Variants in ANKRD20A1 observed in about 807,000 individuals in gnomAD.
ANKRD20A1 encodes the protein ankyrin repeat domain 20 family member A1, also known as ankyrin repeat domain-containing protein 20A1.
A neutral mutation model predicts 50.9 loss-of-function variants in ANKRD20A1; 2 were observed. That is an observed-to-expected ratio of 0.04 (90% CI 0.02 to 0.12). The LOEUF (loss-of-function observed/expected upper bound fraction) is 0.12, where lower values mean the gene tolerates loss of function less well. Among genes scored for constraint, ANKRD20A1 ranks in the 10% least tolerant of loss-of-function variants. The probability of loss-of-function intolerance (pLI) is 1.00; values close to 1 mark genes in which losing one functional copy is unlikely to be tolerated. For synonymous variants in ANKRD20A1, 10 were observed against 186.2 expected (o/e 0.05, Z 7.70); for missense variants, 31 against 548.1 (o/e 0.06, Z 9.42).
chr9:67,879,135 C>T (rs1423369085), intron 7 of ANKRD20A1, among the ~76,000 whole-genome samples: 3 of 59,112 alleles, frequency 5.1e-5, no homozygotes, highest in African/African-American at 1.2e-4. Context: ...CAAGGACTGA[C>T]AAACTTGAAG....
intron 11 of ANKRD20A1, among the ~76,000 whole-genome samples, chr9:67,891,380 C>T (rs1206845063): frequency 5.0e-5 from 6 of 119,388 alleles, no homozygotes; most frequent in African/African-American, 1.7e-4. Context: ...AAAACTGAAA[C>T]AGAAAAAGTG....
intron 12 of ANKRD20A1, among the ~76,000 whole-genome samples, chr9:67,897,150 A>C (rs1235661886): frequency 2.8e-5 from 3 of 107,188 alleles, no homozygotes; most frequent in African/African-American, 8.5e-5. Context: ...ACATCCTCTT[A>C]ATCTGGCTAT....
intron 8 of ANKRD20A1, among the ~76,000 whole-genome samples, chr9:67,882,198 GCTGGT>G (rs1162632735): frequency 1.3e-5 from 2 of 150,458 alleles, no homozygotes; most frequent in Non-Finnish European, 3.0e-5. Flanking sequence ...TGTTGCCCAG[GCTGGT>G]CTTTAACTGT....
rs1309286363 is a variant in ANKRD20A1 at position 67,872,596 on chromosome 9, C to T, written c.793+1384C>T. 7.3e-5 allele frequency among the ~76,000 whole-genome samples: 10 copies of T among 137,368 alleles called. 1 individual carries two copies. The highest frequency in any genetic ancestry group is 6.7e-4 in the East Asian group (3 of 4,488). The allele number at this position is 137,368 out of a possible 152,430, so 90.1% of individuals were successfully genotyped here. ...AGCAAGTAAACAGGAACTCTATGGT[C>T]AGTGGTAGACTATAATAGTATATTC... On this transcript the variant is annotated intron_variant, in intron 6 of 14. Coordinates refer to ENST00000562196, the MANE Select transcript of ANKRD20A1 (RefSeq NM_032250.5).
intron 9 of ANKRD20A1, among the ~76,000 whole-genome samples, chr9:67,885,541 T>C (rs1372837814): frequency 3.9e-5 from 6 of 152,308 alleles, no homozygotes; most frequent in Non-Finnish European, 7.3e-5. Context: ...TGAATAGTGT[T>C]GGGTGATTTA....
At chr9:67,884,945 C>G (rs1262646250) in intron 9 of ANKRD20A1, among the ~76,000 whole-genome samples, 3 of 137,114 alleles carry the variant, frequency 2.2e-5, no homozygotes, top group Non-Finnish European at 4.8e-5. Context: ...AAAATATGAG[C>G]ACTAATAGAG....
At chr9:67,881,134 C>T (rs1441729161) in intron 8 of ANKRD20A1, among the ~76,000 whole-genome samples, 1 of 150,622 alleles carries the variant, frequency 6.6e-6, no homozygotes, top group African/African-American at 2.4e-5. Flanking sequence ...AGAAAAATAA[C>T]TGAGTGTGGT....
Position 67,876,909 on chromosome 9 carries a change from C to CTG in ANKRD20A1, c.794-849_794-848dup, listed in dbSNP as rs1285441148. ...ACCATGAATAGTACTGAATCACAAA[C>CTG]TGTTTTTCCCTATACATACATATCT... is the stretch of plus-strand genomic sequence containing the variant. On this transcript the variant is annotated intron_variant, in intron 6 of 14. Transcript: ENST00000562196. 5.0e-4 allele frequency among the ~76,000 whole-genome samples: 30 copies of CTG among 59,452 alleles called. 2 individuals are homozygous for CTG. The highest frequency in any genetic ancestry group is 1.0e-3 in the African/African-American group (27 of 26,078). 39.0% of individuals were successfully genotyped at this position (59,452 alleles called of 152,430 possible). A position where few individuals can be genotyped will look rare whatever the true frequency, so the allele number is the denominator to read the frequency against.
intron 5 of ANKRD20A1, among the ~76,000 whole-genome samples, chr9:67,868,956 C>T (rs1432702310): frequency 2.8e-5 from 2 of 72,582 alleles, no homozygotes; most frequent in Non-Finnish European, 6.2e-5. Context: ...TCAAGTAATC[C>T]CCCTGCCTCG....
intron 7 of ANKRD20A1, among the ~76,000 whole-genome samples, chr9:67,878,894 A>G (rs2131554923): frequency 1.7e-5 from 1 of 59,788 alleles, no homozygotes; most frequent in African/African-American, 3.5e-5. Flanking sequence ...ACCCAATGGA[A>G]GTAGATAAGA....
At chr9:67,896,366 A>AT (rs1828000304) in intron 12 of ANKRD20A1, among the ~76,000 whole-genome samples, 1 of 89,632 alleles carries the variant, frequency 1.1e-5, no homozygotes, top group African/African-American at 3.3e-5. Flanking sequence ...TATTTCCAAT[A>AT]TTTTTGAAAA....
intron 4 of ANKRD20A1, among the ~76,000 whole-genome samples, chr9:67,867,643 G>C (rs148832960): frequency 5.5e-3 from 826 of 150,830 alleles, no homozygotes; most frequent in African/African-American, 0.019. Context: ...TTAGCTAAAG[G>C]GTTTTGTATT....
At chr9:67,881,239 G>A (rs1270988569) in intron 8 of ANKRD20A1, among the ~76,000 whole-genome samples, 1 of 141,558 alleles carries the variant, frequency 7.1e-6, no homozygotes, top group Non-Finnish European at 1.5e-5. Context: ...CATCGTATCT[G>A]ATTTAAAAAT....
chr9:67,881,315 G>T (rs1459558889), intron 8 of ANKRD20A1, among the ~76,000 whole-genome samples: 2 of 145,598 alleles, frequency 1.4e-5, no homozygotes, highest in Admixed American at 7.2e-5. Flanking sequence ...AGGAATTTTT[G>T]TGTGGTTTAT....
intron 8 of ANKRD20A1, among the ~76,000 whole-genome samples, chr9:67,882,620 T>G (rs62546056): frequency 0.79 from 114,602 of 144,510 alleles, 42,503 homozygotes; most frequent in East Asian, 0.95. Context: ...TTAAATATAC[T>G]TTTTCAAGCC....
At chr9:67,871,129 A>G (rs1333823232) in intron 5 of ANKRD20A1, 28 bp from the exon 6 acceptor site, 1 of 1,349,708 alleles carries the variant, frequency 7.4e-7, no homozygotes, top group Non-Finnish European at 1.0e-6. Flanking sequence ...AAAAATAGCA[A>G]TTTTATTTAT....
intron 8 of ANKRD20A1, among the ~76,000 whole-genome samples, chr9:67,882,785 C>A (rs559028343): frequency 2.4e-4 from 35 of 147,632 alleles, no homozygotes; most frequent in African/African-American, 6.9e-4. Flanking sequence ...TATCCCTCCC[C>A]CCTTGTCCGC....
rs1193598758 is a variant in ANKRD20A1 at position 67,869,082 on chromosome 9, T to TC, written c.737+517dup. ...TTGTCCCCTGGGGCTCTCTCCTGTG[T>TC]CTTCCTTCTTTGAATTTTCCAAGAA... On this transcript the variant is annotated intron_variant, in intron 5 of 14. Coordinates refer to ENST00000562196, the MANE Select transcript of ANKRD20A1 (RefSeq NM_032250.5). Among the ~76,000 whole-genome samples the TC allele has an allele frequency of 4.4e-5, 2 of 44,998 alleles. 1 individual carries two copies. The highest frequency in any genetic ancestry group is 9.8e-5 in the Non-Finnish European group (2 of 20,396). 29.5% of individuals were successfully genotyped at this position (44,998 alleles called of 152,430 possible).
In ANKRD20A1 at chr9:67,884,479, A is replaced by G. The variant is rs539419343; in HGVS notation, c.895-7A>G. ...AAAATGGAAACTAATTCTTGATATT[A>G]CCTTAGCAGTGTGTCCCCGAGAAAG... On this transcript the variant is annotated splice_region_variant and splice_polypyrimidine_tract_variant and intron_variant, in intron 8 of 14. Transcript: ENST00000562196. 6.3e-7 allele frequency: 1 copy of G among 1,581,032 alleles called. No homozygotes were observed. The highest frequency in any genetic ancestry group is 1.3e-5 in the African/African-American group (1 of 74,368).
Sources: allele counts gnomAD v4.1 joint callset (sites outside exome capture counted in the v4.1 genomes callset), GRCh38; gene constraint gnomAD v4.1.1; transcripts MANE v1.5; gene names NCBI Gene and HGNC (gene_info 2026-07-23, HGNC 2026-07-21).